The following CD109 variants were observed in gnomAD, a reference collection of about 807,000 sequenced individuals.
CD109 encodes the protein CD109 molecule.
CD109 carries 149 observed loss-of-function variants against 165.8 expected under a neutral mutation model. That is an observed-to-expected ratio of 0.90 (90% CI 0.79 to 1.03). The LOEUF is 1.03. CD109 is among the 50% of genes least tolerant of loss of function. The pLI is 0.00. For synonymous variants in CD109, 585 were observed against 592.1 expected (o/e 0.99, Z 0.18); for missense variants, 1,712 against 1,677.8 (o/e 1.02, Z -0.36).
chr6:73,744,499 G>A (rs1323230715), intron 5 of CD109, among the ~76,000 whole-genome samples: 1 of 152,090 alleles, frequency 6.6e-6, no homozygotes, highest in Non-Finnish European at 1.5e-5. Flanking sequence ...AGGACTTTTG[G>A]ATTAATGCCC....
chr6:73,739,826 C>T lies in CD109; in HGVS notation c.633+3318C>T, dbSNP rs193117649. Reference sequence around the variant, plus strand: ...TCATGCCACCGCTCTCCAGCCTGGGCGACAGAGTGATACTCTGGCTAAAAA... The same window carrying T: ...TCATGCCACCGCTCTCCAGCCTGGGTGACAGAGTGATACTCTGGCTAAAAA... On this transcript the variant is annotated intron_variant, in intron 5 of 32. Transcript: ENST00000287097. 3.1e-3 allele frequency among the ~76,000 whole-genome samples: 475 copies of T among 151,974 alleles called. 1 individual carries two copies. The highest frequency in any genetic ancestry group is 0.011 in the African/African-American group (440 of 41,438).
chr6:73,791,157 A>G (rs1261502811), intron 22 of CD109, among the ~76,000 whole-genome samples: 1 of 34,190 alleles, frequency 2.9e-5, no homozygotes, highest in Non-Finnish European at 5.3e-5. Context: ...ATATATATAT[A>G]TATATATATA....
intron 18 of CD109, among the ~76,000 whole-genome samples, chr6:73,783,442 G>A (rs573789160): frequency 2.6e-3 from 398 of 152,240 alleles, no homozygotes; most frequent in African/African-American, 9.1e-3. Flanking sequence ...AAAAAATAAT[G>A]TTTATTCTGA....
rs188917857 is a variant in CD109 at position 73,798,556 on chromosome 6, C to T, written c.2879-4664C>T. ...ACTCCCACAAGGAGACATACAAGTTCTCTCCAGGTTGTGAATTTCTCCCTT... is the reference window on the plus strand; with the variant it reads ...ACTCCCACAAGGAGACATACAAGTTTTCTCCAGGTTGTGAATTTCTCCCTT... On this transcript the variant is annotated intron_variant, in intron 23 of 32. Coordinates refer to ENST00000287097, the MANE Select transcript of CD109 (RefSeq NM_133493.5). 1.2e-3 allele frequency among the ~76,000 whole-genome samples: 181 copies of T among 152,134 alleles called. 1 individual carries two copies. The highest frequency in any genetic ancestry group is 3.1e-3 in the Admixed American group (48 of 15,286).
intron 2 of CD109, among the ~76,000 whole-genome samples, chr6:73,718,637 TG>T (rs1771834369): frequency 6.6e-6 from 1 of 151,650 alleles, no homozygotes; most frequent in Admixed American, 6.6e-5. Flanking sequence ...ATGAGTCAGG[TG>T]GTTAGGGTCA....
chr6:73,709,922 G>T (rs1474446840), intron 2 of CD109, among the ~76,000 whole-genome samples: 1 of 152,116 alleles, frequency 6.6e-6, no homozygotes, highest in Non-Finnish European at 1.5e-5. Context: ...CAATAAATTA[G>T]GTATTGATGG....
chr6:73,787,246 A>C lies in CD109; in HGVS notation c.2350A>C (p.Ile784Leu). ...LKDATEVKVI[I>L]EKSDKFDILM... Reference sequence around the variant, plus strand: ...TTTTTTCTTTCAGGTTAAGGTAATCATTGAGAAAAGTGACAAATTTGATAT... The same window carrying C: ...TTTTTTCTTTCAGGTTAAGGTAATCCTTGAGAAAAGTGACAAATTTGATAT... Residue 784 changes from isoleucine to leucine, a missense_variant, in exon 21 of 33, where the codon ATT (isoleucine) becomes CTT (leucine). Physicochemically the swap from Ile to Leu is conservative, Grantham distance 5 (BLOSUM62 2). Transcript: ENST00000287097. 1 of 1,609,204 alleles carries C rather than the reference A, an allele frequency of 6.2e-7. No individual in the cohort carries two copies. Among genetic ancestry groups the C allele is most frequent in the Non-Finnish European group, 8.5e-7 (1 of 1,175,712 alleles).
chr6:73,714,420 C>T (rs890290651), intron 2 of CD109, among the ~76,000 whole-genome samples: 2 of 152,206 alleles, frequency 1.3e-5, no homozygotes, highest in African/African-American at 4.8e-5. Context: ...TCTGAGCTGC[C>T]CTGGTGGATG....
At chr6:73,776,417 A>G (rs535478774) in intron 15 of CD109, among the ~76,000 whole-genome samples, 1 of 149,890 alleles carries the variant, frequency 6.7e-6, no homozygotes, top group Non-Finnish European at 1.5e-5. Flanking sequence ...ACGCCTGGCT[A>G]ATTTTTAAAC....
At chr6:73,794,517 A>G (rs1465403798) in intron 23 of CD109, among the ~76,000 whole-genome samples, 1 of 152,150 alleles carries the variant, frequency 6.6e-6, no homozygotes, top group Non-Finnish European at 1.5e-5. Context: ...GTAAGCTGTA[A>G]GGTGTTGGGT....
At chr6:73,724,857 C>A (rs188705174) in intron 3 of CD109, among the ~76,000 whole-genome samples, 18 of 152,094 alleles carry the variant, frequency 1.2e-4, no homozygotes, top group African/African-American at 4.3e-4. Flanking sequence ...CTGCCTTGGT[C>A]CCCCAAAGTG....
chr6:73,806,823 T>C (rs372073010), intron 24 of CD109, 21 bp from the exon 25 acceptor site: 5 of 1,576,478 alleles, frequency 3.2e-6, no homozygotes, highest in South Asian at 1.1e-5. Context: ...TTTTATGTAA[T>C]TTTTTTCTCT....
intron 29 of CD109, 38 bp downstream of exon 29, chr6:73,812,308 C>T: frequency 7.7e-7 from 1 of 1,294,298 alleles, no homozygotes; most frequent in Non-Finnish European, 1.1e-6. Flanking sequence ...TTAAATATGA[C>T]TTTTTATAAT....
chr6:73,785,502 TCATTTACACTA>T, intron 20 of CD109, 25 bp downstream of exon 20: 1 of 1,272,560 alleles, frequency 7.9e-7, no homozygotes, highest in Non-Finnish European at 1.1e-6. Context: ...CTTTTGTTGA[TCATTTACACTA>T]CAGGAGAAAA....
chr6:73,822,660 T>G (rs1776141292), intron 32 of CD109, among the ~76,000 whole-genome samples: 1 of 152,210 alleles, frequency 6.6e-6, no homozygotes, highest in Non-Finnish European at 1.5e-5. Flanking sequence ...TTTAAACATT[T>G]AAGAAACAAA....
chr6:73,707,658 T>G (rs1771333292), intron 2 of CD109, among the ~76,000 whole-genome samples: 1 of 152,104 alleles, frequency 6.6e-6, no homozygotes, highest in Non-Finnish European at 1.5e-5. Flanking sequence ...ACTAACCACA[T>G]GTGGTTTTTG....
At chr6:73,697,281 G>T in intron 1 of CD109, 119 bp from the exon 2 acceptor site, 1 of 800,672 alleles carries the variant, frequency 1.2e-6, no homozygotes. Flanking sequence ...AATGTTAACG[G>T]AAACAACTGC....
At chr6:73,717,497 T>A (rs1212956914) in intron 2 of CD109, among the ~76,000 whole-genome samples, 2 of 152,092 alleles carry the variant, frequency 1.3e-5, no homozygotes, top group African/African-American at 4.8e-5. Flanking sequence ...TTCACTTCTT[T>A]GATCAAGTTA....
the CD109 span, among the ~76,000 whole-genome samples, chr6:73,690,397 CA>C: frequency 6.6e-6 from 1 of 152,024 alleles, no homozygotes; most frequent in Non-Finnish European, 1.5e-5. Flanking sequence ...AGGTGATAAA[CA>C]TTTTTTTTGT....
Sources: gnomAD v4.1 joint callset for allele counts (sites outside exome capture counted in the v4.1 genomes callset) on GRCh38, gnomAD v4.1.1 for gene constraint, MANE v1.5 for transcripts, NCBI Gene and HGNC (gene_info 2026-07-23, HGNC 2026-07-21) for gene names.